The following EGFLAM variants were observed in gnomAD, a reference collection of about 807,000 sequenced individuals.
EGFLAM encodes pikachurin.
Under a neutral mutation model 113.1 loss-of-function variants are expected in EGFLAM, and 79 were observed. The observed-to-expected ratio is 0.70, with a 90% CI of 0.58 to 0.84. EGFLAM has a LOEUF of 0.84. EGFLAM is among the 40% of genes least tolerant of loss of function. The pLI is 0.00. For synonymous variants in EGFLAM, 504 were observed against 487.6 expected, an observed-to-expected ratio of 1.03 and a Z score of -0.44; for missense variants, 1,265 against 1,291.6, an observed-to-expected ratio of 0.98 and a Z score of 0.32.
In EGFLAM at chr5:38,352,223, A is replaced by G. The variant is rs1409113113; in HGVS notation, c.437A>G (p.Gln146Arg). 2 of 1,613,962 alleles carry G rather than the reference A, an allele frequency of 1.2e-6. No homozygotes were observed. Among genetic ancestry groups the G allele is most frequent in the African/African-American group, 1.3e-5 (1 of 74,912 alleles). Residue 146 changes from glutamine to arginine, a missense_variant, in exon 5 of 22, where the codon CAG (glutamine) becomes CGG (arginine). Gln to Arg is a conservative substitution (Grantham distance 43). Coordinates refer to ENST00000322350, the MANE Select transcript of EGFLAM (RefSeq NM_152403.4). The stretch of plus-strand genomic sequence containing the variant: ...TCCTGCCTGCCTCCTGCAGCTCCCC[A>G]GCAGCCACATGTCATTGTGGTTTCG... ...QDSCLPPAAP[Q>R]QPHVIVVSDS...
intron 1 of EGFLAM, among the ~76,000 whole-genome samples, chr5:38,270,561 A>G (rs1757742107): frequency 6.6e-6 from 1 of 152,100 alleles, no homozygotes; most frequent in African/African-American, 2.4e-5. Flanking sequence ...CACAACCTAC[A>G]CCCATAATAC....
At chr5:38,434,084 T>C (rs1742269638) in intron 15 of EGFLAM, among the ~76,000 whole-genome samples, 2 of 152,228 alleles carry the variant, frequency 1.3e-5, no homozygotes, top group African/African-American at 4.8e-5. Context: ...CTCTCTCTCC[T>C]GCTTAAGTCT....
intron 1 of EGFLAM, among the ~76,000 whole-genome samples, chr5:38,312,322 A>G (rs1738467891): frequency 6.6e-6 from 1 of 151,626 alleles, no homozygotes; most frequent in Non-Finnish European, 1.5e-5. Flanking sequence ...GCTCACTGCA[A>G]GCTCCACCTC....
At position 38,307,482 on chromosome 5, in the gene EGFLAM, T is replaced by C. The variant is rs569621172; in HGVS notation, c.98-30038T>C. On this transcript the variant is annotated intron_variant, in intron 1 of 21. Coordinates refer to ENST00000322350, the MANE Select transcript of EGFLAM (RefSeq NM_152403.4). ...CTGCCACCATGTGAAGAAGGACATGTTTCCTTCACCTTCTGCCATGATTGT... is the reference window on the plus strand; with the variant it reads ...CTGCCACCATGTGAAGAAGGACATGCTTCCTTCACCTTCTGCCATGATTGT... Among the ~76,000 whole-genome samples the C allele has an allele frequency of 1.3e-3, 198 of 152,224 alleles. 1 individual carries two copies. Among genetic ancestry groups the C allele is most frequent in the Non-Finnish European group, 2.3e-3 (154 of 68,040 alleles).
chr5:38,267,520 T>C (rs1757660515), intron 1 of EGFLAM, among the ~76,000 whole-genome samples: 1 of 152,212 alleles, frequency 6.6e-6, no homozygotes, highest in African/African-American at 2.4e-5. Flanking sequence ...AAAAAATGGG[T>C]GATGGCTGTG....
At chr5:38,428,791 G>A (rs1158746676) in intron 14 of EGFLAM, among the ~76,000 whole-genome samples, 2 of 152,138 alleles carry the variant, frequency 1.3e-5, no homozygotes, top group Admixed American at 6.5e-5. Flanking sequence ...TTTTTGACAC[G>A]AGGTGCTTTT....
At chr5:38,388,917 G>GAA (rs770527595) in intron 6 of EGFLAM, among the ~76,000 whole-genome samples, 279 of 61,068 alleles carry the variant, frequency 4.6e-3, no homozygotes, top group African/African-American at 0.011. Flanking sequence ...CCTGTCTCAA[G>GAA]AAAAAAAAAA....
rs1357261849 is a variant in EGFLAM, at chr5:38,368,496, G to A, written c.546-1800G>A. Among the ~76,000 whole-genome samples, 4 of 152,190 alleles carry A rather than the reference G, an allele frequency of 2.6e-5. No homozygotes were observed. The East Asian group carries it at 7.7e-4, about 29-fold the overall frequency. On this transcript the variant is annotated intron_variant, in intron 5 of 21. Transcript: ENST00000322350. ...AATCATTCCTGCTAATGAAAAACTG[G>A]GCGAGCTCACATTAAGGAAATCCGC...
At chr5:38,310,751 T>C (rs556928167) in intron 1 of EGFLAM, among the ~76,000 whole-genome samples, 2 of 152,326 alleles carry the variant, frequency 1.3e-5, no homozygotes, top group East Asian at 1.9e-4. Context: ...TGTAGTGATA[T>C]AGATCTTTCT....
At chr5:38,314,012 T>C (rs879919424) in intron 1 of EGFLAM, among the ~76,000 whole-genome samples, 1 of 152,218 alleles carries the variant, frequency 6.6e-6, no homozygotes, top group Non-Finnish European at 1.5e-5. Flanking sequence ...ATAATGTTTG[T>C]TTTGTGTATG....
intron 20 of EGFLAM, among the ~76,000 whole-genome samples, chr5:38,462,226 T>C (rs1031100123): frequency 5.9e-5 from 9 of 152,128 alleles, no homozygotes; most frequent in African/African-American, 1.9e-4. Flanking sequence ...CATCGAATGA[T>C]CTTATACCTA....
chr5:38,283,495 A>G (rs985495364), intron 1 of EGFLAM, among the ~76,000 whole-genome samples: 31 of 152,194 alleles, frequency 2.0e-4, no homozygotes, highest in African/African-American at 7.2e-4. Flanking sequence ...GCTATGTGCC[A>G]GGCACTGGTA....
At chr5:38,272,278 A>C (rs1757782538) in intron 1 of EGFLAM, among the ~76,000 whole-genome samples, 1 of 152,194 alleles carries the variant, frequency 6.6e-6, no homozygotes, top group Admixed American at 6.5e-5. Context: ...TTGGAGGCTA[A>C]GAAGCAAAGG....
At chr5:38,443,251 G>A (rs1742605912) in intron 17 of EGFLAM, among the ~76,000 whole-genome samples, 1 of 152,212 alleles carries the variant, frequency 6.6e-6, no homozygotes, top group Non-Finnish European at 1.5e-5. Context: ...GGGTGACAGA[G>A]CGAGACTCTG....
chr5:38,406,818 C>G lies in EGFLAM; in HGVS notation c.829-10C>G. The stretch of plus-strand genomic sequence containing the variant: ...GTTCATCTTGAACCCCTTTCCTTCT[C>G]TGGCTTTAGGTTAAACCACTTCCTG... On this transcript the variant is annotated splice_polypyrimidine_tract_variant and intron_variant, in intron 7 of 21. Coordinates refer to ENST00000322350, the MANE Select transcript of EGFLAM (RefSeq NM_152403.4). 6.2e-7 allele frequency: 1 copy of G among 1,609,744 alleles called. No homozygotes were observed. The highest frequency in any genetic ancestry group is 8.5e-7 in the Non-Finnish European group (1 of 1,176,856).
At chr5:38,373,985 G>C (rs922414802) in intron 6 of EGFLAM, among the ~76,000 whole-genome samples, 1 of 152,192 alleles carries the variant, frequency 6.6e-6, no homozygotes, top group African/African-American at 2.4e-5. Context: ...TGGGAGGACT[G>C]AGGATGGGAT....
chr5:38,369,231 T>C (rs1740144227), intron 5 of EGFLAM, among the ~76,000 whole-genome samples: 1 of 152,250 alleles, frequency 6.6e-6, no homozygotes, highest in South Asian at 2.1e-4. Flanking sequence ...TTCAATAATA[T>C]ATTTTAACCC....
At chr5:38,341,523 G>C (rs1286597154) in intron 3 of EGFLAM, among the ~76,000 whole-genome samples, 1 of 152,210 alleles carries the variant, frequency 6.6e-6, no homozygotes, top group African/African-American at 2.4e-5. Context: ...GATTTGGGTG[G>C]AGACATAGAG....
At chr5:38,382,210 A>G (rs6887587) in intron 6 of EGFLAM, among the ~76,000 whole-genome samples, 12,177 of 152,184 alleles carry the variant, frequency 0.08, 1,609 homozygotes, top group African/African-American at 0.27. Flanking sequence ...ATTTTGGCAG[A>G]TAATATCTTC....
Sources: allele counts gnomAD v4.1 joint callset (sites outside exome capture counted in the v4.1 genomes callset), GRCh38; gene constraint gnomAD v4.1.1; transcripts MANE v1.5; gene names NCBI Gene and HGNC (gene_info 2026-07-23, HGNC 2026-07-21).